Variants in HSPA14 observed in about 807,000 individuals in gnomAD.
HSPA14 encodes heat shock protein family A (Hsp70) member 14.
In HSPA14, 37 loss-of-function variants were observed where a neutral mutation model predicts 65.5. That is an observed-to-expected ratio of 0.56 (90% CI 0.43 to 0.74). The LOEUF is 0.74. Ranked by LOEUF, HSPA14 falls within the 30% of genes least tolerant of loss-of-function variation. HSPA14 has a pLI of 0.00. For synonymous variants in HSPA14, 203 were observed against 214.2 expected (o/e 0.95, Z 0.46); for missense variants, 564 against 607.6 (o/e 0.93, Z 0.75).
intron 1 of HSPA14, among the ~76,000 whole-genome samples, 155 bp from the exon 2 acceptor site, chr10:14,839,749 GA>G (rs1833946975): frequency 6.6e-6 from 1 of 152,172 alleles, no homozygotes; most frequent in African/African-American, 2.4e-5. Flanking sequence ...GGCTTTCTAT[GA>G]AAACGAGGAA....
At chr10:14,866,737 A>G (rs1832810073) in intron 10 of HSPA14, among the ~76,000 whole-genome samples, 3 of 152,208 alleles carry the variant, frequency 2.0e-5, no homozygotes, top group Admixed American at 2.0e-4. Flanking sequence ...AAACTTGGAC[A>G]GTACAAAATA....
Position 14,842,685 on chromosome 10 carries a change from A to G in HSPA14, c.221+2528A>G. On this transcript the variant is annotated intron_variant, in intron 3 of 13. Coordinates refer to ENST00000378372, the MANE Select transcript of HSPA14 (RefSeq NM_016299.4). The surrounding 1 kb of genome is among the most constrained non-coding windows in gnomAD (Gnocchi z 5.2). ...GTGGCCTCTGACGCCCCAGGGGAAG[A>G]GGGAACCGGCATTCTAAAATCAAAA... 1 of 1,536,354 alleles carries G rather than the reference A, an allele frequency of 6.5e-7. No homozygotes were observed. The highest frequency in any genetic ancestry group is 2.0e-5 in the Admixed American group (1 of 51,002).
chr10:14,838,750 C>T (rs1481111969), intron 1 of HSPA14, among the ~76,000 whole-genome samples: 1 of 152,066 alleles, frequency 6.6e-6, no homozygotes, highest in African/African-American at 2.4e-5. Flanking sequence ...GACGTAGCTG[C>T]AGGGTGCCCG....
At chr10:14,863,091 A>C (rs1182625789) in intron 10 of HSPA14, among the ~76,000 whole-genome samples, 2 of 152,196 alleles carry the variant, frequency 1.3e-5, no homozygotes, top group African/African-American at 4.8e-5. Context: ...ATGTATCTTA[A>C]AGCTATATAA....
In HSPA14 at chr10:14,848,908, A is replaced by G. The variant is rs773722919; in HGVS notation, c.376+13A>G. On this transcript the variant is annotated intron_variant, in intron 5 of 13. Coordinates refer to ENST00000378372, the MANE Select transcript of HSPA14 (RefSeq NM_016299.4). The stretch of plus-strand genomic sequence containing the variant: ...AGTAAAATGAAAGGTATTTAGCAAA[A>G]GATATATAATAGTTACCTTTAATGA... 1 of 1,295,834 alleles carries G rather than the reference A, an allele frequency of 7.7e-7. No homozygotes were observed. Among genetic ancestry groups the G allele is most frequent in the South Asian group, 1.3e-5 (1 of 78,596 alleles). 80.3% of individuals were successfully genotyped at this position (1,295,834 alleles called of 1,614,324 possible).
In HSPA14 at chr10:14,839,785, G is replaced by A. The variant is rs1162829243; in HGVS notation, c.58-120G>A. The A allele has an allele frequency of 5.2e-6, 3 of 581,748 alleles. No homozygotes were observed. In the African/African-American group the frequency reaches 5.5e-5, roughly 11 times the overall value. The allele number at this position is 581,748 out of a possible 1,614,324, so 36.0% of individuals were successfully genotyped here. A position where few individuals can be genotyped will look rare whatever the true frequency, so the allele number is the denominator to read the frequency against. ...AATTAAATGGTAATTAAATTTGCAA[G>A]TTTAAAATATTGAGATAGCAGTTTT... On this transcript the variant is annotated intron_variant, in intron 1 of 13. Transcript: ENST00000378372.
chr10:14,848,822 AAT>A lies in HSPA14; in HGVS notation c.305_306del (p.Ile102ArgfsTer10). 1 of 1,589,722 alleles carries A rather than the reference AAT, an allele frequency of 6.3e-7. No homozygotes were observed. Among genetic ancestry groups the A allele is most frequent in the South Asian group, 1.1e-5 (1 of 87,992 alleles). The stretch of plus-strand genomic sequence containing the variant: ...AAAAAAATGGGAAATTACGATATGA[AAT>A]AGATACTGGAGAAGAAACAAAATTT... Reference protein sequence around the residue: ...IEKNGKLRYEIDTGEETKFVN... With the variant: ...IEKNGKLRYEXDTGEETKFVN... On this transcript the variant is annotated frameshift_variant, in exon 5 of 14. Coordinates refer to ENST00000378372, the MANE Select transcript of HSPA14 (RefSeq NM_016299.4). LOFTEE classifies it high-confidence loss of function.
intron 10 of HSPA14, among the ~76,000 whole-genome samples, chr10:14,856,459 C>T (rs573249330): frequency 1.3e-5 from 2 of 152,300 alleles, no homozygotes; most frequent in South Asian, 2.1e-4. Flanking sequence ...GGCTGCTTCC[C>T]GTTCCTTGCT....
intron 10 of HSPA14, among the ~76,000 whole-genome samples, chr10:14,857,743 C>T (rs2131643518): frequency 6.6e-6 from 1 of 152,278 alleles, no homozygotes; most frequent in African/African-American, 2.4e-5. Context: ...ATCTTTGACT[C>T]TGTTTCCTCC....
At chr10:14,869,459 G>C (rs1464976959) in intron 12 of HSPA14, among the ~76,000 whole-genome samples, 7 of 151,914 alleles carry the variant, frequency 4.6e-5, no homozygotes, top group Admixed American at 3.3e-4. Flanking sequence ...ACCACACCTG[G>C]CTAATATTTG....
At chr10:14,853,779 G>A (rs1834125039) in intron 8 of HSPA14, among the ~76,000 whole-genome samples, 1 of 152,164 alleles carries the variant, frequency 6.6e-6, no homozygotes, top group Non-Finnish European at 1.5e-5. Context: ...GAGTGCAGTG[G>A]TGCAATCTCG....
intron 10 of HSPA14, among the ~76,000 whole-genome samples, chr10:14,865,528 G>A (rs1488483766): frequency 1.3e-5 from 2 of 152,324 alleles, no homozygotes; most frequent in East Asian, 3.9e-4. Context: ...TCCAGTTTCA[G>A]CTTTCTACCT....
chr10:14,842,484 A>G lies in HSPA14; in HGVS notation c.221+2327A>G. ...GAACGTCAGTGCCGCTCCAAGTTTA[A>G]AGTTCTGAAGGCATTATATTTAAAG... On this transcript the variant is annotated intron_variant, in intron 3 of 13. Transcript: ENST00000378372. This position sits in a 1 kb window ranked among gnomAD's most constrained non-coding sequence, Gnocchi z 5.2. 2.0e-6 allele frequency: 3 copies of G among 1,536,120 alleles called. No individual in the cohort carries two copies. The highest frequency in any genetic ancestry group is 2.6e-6 in the Non-Finnish European group (3 of 1,146,920).
intron 3 of HSPA14, chr10:14,844,921 T>C (rs1834029957): frequency 1.0e-6 from 1 of 985,332 alleles, no homozygotes; most frequent in Admixed American, 6.2e-5. Context: ...CCTAGAAACG[T>C]TTCCTTTTGA....
rs776671726 is a variant in HSPA14, at chr10:14,849,725, G to A, written c.381G>A (p.Thr127=). Reference sequence around the variant, plus strand: ...TTTATATTTTTTAATATGCAGAAACGGCACATTCTGTATTGGGCTCAGATG... The same window carrying A: ...TTTATATTTTTTAATATGCAGAAACAGCACATTCTGTATTGGGCTCAGATG... ...ARLIFSKMKE[T]AHSVLGSDAN... The change falls in exon 6 of 14, where the codon ACG becomes ACA. Residue 127 remains threonine (T), a synonymous_variant. Transcript: ENST00000378372. 1.9e-5 allele frequency: 31 copies of A among 1,598,352 alleles called. No individual in the cohort carries two copies. In the South Asian group the frequency reaches 2.3e-4, roughly 12 times the overall value.
chr10:14,842,319 G>A lies in HSPA14; in HGVS notation c.221+2162G>A. 6.5e-7 allele frequency: 1 copy of A among 1,536,038 alleles called. No homozygotes were observed. Among genetic ancestry groups the A allele is most frequent in the South Asian group, 1.2e-5 (1 of 84,052 alleles). On this transcript the variant is annotated intron_variant, in intron 3 of 13. Transcript: ENST00000378372. The surrounding 1 kb of genome is among the most constrained non-coding windows in gnomAD (Gnocchi z 5.2). ...GCCAATAGCAGTGCGGGCATCCGGT[G>A]GTCCAGACAGGAGACACGAACTCTT... is the stretch of plus-strand genomic sequence containing the variant.
At chr10:14,841,968 T>G (rs1341680248) in intron 3 of HSPA14, 2 of 441,442 alleles carry the variant, frequency 4.5e-6, no homozygotes, top group Admixed American at 3.2e-5. Context: ...ACCAAGCCAT[T>G]AGGTTCTTGG....
chr10:14,844,632 GAAATAAGA>G, intron 3 of HSPA14: 1 of 984,948 alleles, frequency 1.0e-6, no homozygotes, highest in Non-Finnish European at 1.2e-6. Context: ...TCAATATAAG[GAAATAAGA>G]AGTGCCAGGG....
chr10:14,864,425 C>G (rs950129046), intron 10 of HSPA14, among the ~76,000 whole-genome samples: 1 of 151,680 alleles, frequency 6.6e-6, no homozygotes, highest in Non-Finnish European at 1.5e-5. Flanking sequence ...TTGGTGTGCT[C>G]CACCCATTAA....
Sources: gnomAD v4.1 joint callset for allele counts (sites outside exome capture counted in the v4.1 genomes callset) on GRCh38, gnomAD v4.1.1 for gene constraint, Gnocchi (gnomAD v3.1) non-coding constraint, MANE v1.5 for transcripts, NCBI Gene and HGNC (gene_info 2026-07-23, HGNC 2026-07-21) for gene names.